The following GABRA2 variants were observed in gnomAD, a reference collection of about 807,000 sequenced individuals.
GABRA2 encodes the protein gamma-aminobutyric acid type A receptor subunit alpha2.
Under a neutral mutation model 48.7 loss-of-function variants are expected in GABRA2, and 16 were observed. The ratio of observed to expected loss-of-function variants is 0.33; its 90% CI spans 0.22 to 0.50. The LOEUF (loss-of-function observed/expected upper bound fraction) is 0.50. GABRA2 is among the 20% of genes least tolerant of loss of function. The probability of loss-of-function intolerance (pLI) is 0.98; values close to 1 mark genes in which losing one functional copy is unlikely to be tolerated. For synonymous variants in GABRA2, 185 were observed against 184.5 expected (o/e 1.00, Z -0.02); for missense variants, 275 against 535.6 (o/e 0.51, Z 4.80).
Position 46,317,713 on chromosome 4 carries a change from C to T in GABRA2, c.256-4997G>A, listed in dbSNP as rs182490860. Among the ~76,000 whole-genome samples the T allele has an allele frequency of 2.5e-3, 373 of 151,396 alleles. 3 individuals carry two copies. Among genetic ancestry groups the T allele is most frequent in the African/African-American group, 8.7e-3 (361 of 41,336 alleles). Reference sequence around the variant, plus strand: ...AAGTGGGAAACAAGAAAAAGAAATACCACACTCTGCCTAATATGAGCCCTA... The same window carrying T: ...AAGTGGGAAACAAGAAAAAGAAATATCACACTCTGCCTAATATGAGCCCTA... On this transcript the variant is annotated intron_variant, in intron 4 of 9. Coordinates refer to ENST00000381620, the MANE Select transcript of GABRA2 (RefSeq NM_000807.4).
intron 6 of GABRA2, among the ~76,000 whole-genome samples, chr4:46,306,241 A>G (rs182645595): frequency 6.6e-6 from 1 of 152,362 alleles, no homozygotes; most frequent in East Asian, 1.9e-4. Context: ...ATAACGCTAT[A>G]CTTGCATCAA....
intron 8 of GABRA2, among the ~76,000 whole-genome samples, chr4:46,272,932 C>T (rs375133847): frequency 2.6e-4 from 39 of 151,966 alleles, no homozygotes; most frequent in South Asian, 6.2e-4. Context: ...TTCTGGGGTA[C>T]GTGTGCAGAA....
At chr4:46,324,110 T>G (rs1211378835) in intron 4 of GABRA2, among the ~76,000 whole-genome samples, 1 of 151,972 alleles carries the variant, frequency 6.6e-6, no homozygotes, top group Non-Finnish European at 1.5e-5. Flanking sequence ...CACCTCCCAC[T>G]TGCCTCCACC....
intron 2 of GABRA2, 35 bp downstream of exon 2, chr4:46,388,601 T>C (rs536102704): frequency 4.3e-6 from 7 of 1,610,992 alleles, no homozygotes; most frequent in Non-Finnish European, 5.9e-6. Flanking sequence ...ATCTTTGCCC[T>C]GAATTAAAAT....
intron 8 of GABRA2, among the ~76,000 whole-genome samples, chr4:46,263,544 T>C (rs747283081): frequency 1.3e-5 from 2 of 152,164 alleles, no homozygotes; most frequent in African/African-American, 2.4e-5. Context: ...TGACCATAGA[T>C]ATATGGGATA....
intron 4 of GABRA2, among the ~76,000 whole-genome samples, chr4:46,315,091 C>A (rs754848350): frequency 1.3e-5 from 2 of 150,654 alleles, no homozygotes; most frequent in African/African-American, 2.4e-5. Context: ...GCTGAACTAA[C>A]TTACATTCCC....
chr4:46,298,192 G>T (rs1423181417), intron 8 of GABRA2, among the ~76,000 whole-genome samples: 1 of 152,032 alleles, frequency 6.6e-6, no homozygotes, highest in Non-Finnish European at 1.5e-5. Flanking sequence ...TCATTTGAGA[G>T]GAATGTGTAA....
intron 8 of GABRA2, among the ~76,000 whole-genome samples, chr4:46,268,840 T>C (rs1176027796): frequency 6.6e-6 from 1 of 151,854 alleles, no homozygotes; most frequent in Non-Finnish European, 1.5e-5. Context: ...ATATGTACAA[T>C]GGAAAAGTAT....
intron 8 of GABRA2, among the ~76,000 whole-genome samples, chr4:46,299,256 T>A (rs1017172675): frequency 1.4e-4 from 22 of 151,868 alleles, no homozygotes; most frequent in African/African-American, 5.3e-4. Context: ...TCCTGAATTT[T>A]AAAAAAATTT....
At chr4:46,322,839 C>T (rs1729686846) in intron 4 of GABRA2, among the ~76,000 whole-genome samples, 1 of 151,972 alleles carries the variant, frequency 6.6e-6, no homozygotes, top group Admixed American at 6.6e-5. Context: ...GAAAAGCTCT[C>T]AGATGTCTTA....
Position 46,305,649 on chromosome 4 carries a change from C to T in GABRA2, c.622G>A (p.Val208Ile). 6.2e-7 allele frequency: 1 copy of T among 1,613,426 alleles called. No homozygotes were observed. The highest frequency in any genetic ancestry group is 8.5e-7 in the Non-Finnish European group (1 of 1,179,426). ...TTTAACCTAGAGCCATCAGGAGCAA[C>T]CTGTACTGAATCAGATGCATTGTAA... Reference protein sequence around the residue: ...WTYNASDSVQVAPDGSRLNQY... With the variant: ...WTYNASDSVQIAPDGSRLNQY... Residue 208 changes from valine to isoleucine, a missense_variant, in exon 7 of 10, where the codon GTT becomes ATT. By Grantham distance (29) the Val-to-Ile change is conservative. Coordinates refer to ENST00000381620, the MANE Select transcript of GABRA2 (RefSeq NM_000807.4).
At chr4:46,340,095 A>G (rs534559141) in intron 3 of GABRA2, among the ~76,000 whole-genome samples, 6 of 151,950 alleles carry the variant, frequency 3.9e-5, no homozygotes, top group Non-Finnish European at 7.4e-5. Context: ...AAAGATAGGC[A>G]CAATCCAAAG....
chr4:46,378,160 C>T (rs1348826808), intron 3 of GABRA2, among the ~76,000 whole-genome samples: 1 of 151,700 alleles, frequency 6.6e-6, no homozygotes, highest in Non-Finnish European at 1.5e-5. Context: ...GGGAGGTGTA[C>T]CCAACAGCTC....
At chr4:46,349,340 C>A (rs907081493) in intron 3 of GABRA2, among the ~76,000 whole-genome samples, 9 of 151,770 alleles carry the variant, frequency 5.9e-5, no homozygotes, top group Admixed American at 3.3e-4. Context: ...TGTTGGATAT[C>A]ATATTATAAT....
In GABRA2 at chr4:46,286,080, T is replaced by A. The variant is rs577332350; in HGVS notation, c.856+17380A>T. Among the ~76,000 whole-genome samples the A allele has an allele frequency of 3.3e-5, 5 of 152,176 alleles. No homozygotes were observed. The South Asian group carries it at 1.0e-3, about 32-fold the overall frequency. ...ACTTGTTTTTATTATCCCAGAAGGA[T>A]ACTCTGTCTCTATTAAGTAATCACT... is the stretch of plus-strand genomic sequence containing the variant. On this transcript the variant is annotated intron_variant, in intron 8 of 9. Transcript: ENST00000381620.
chr4:46,385,995 G>A lies in GABRA2; in HGVS notation c.187+79C>T, dbSNP rs558679708. 43 of 783,720 alleles carry A rather than the reference G, an allele frequency of 5.5e-5. No individual in the cohort carries two copies. In the African/African-American group the frequency reaches 6.1e-4, roughly 11 times the overall value. 48.5% of individuals were successfully genotyped at this position (783,720 alleles called of 1,614,324 possible). On this transcript the variant is annotated intron_variant, in intron 3 of 9. Transcript: ENST00000381620. ...CACAGTGATGCATTCATATATAAAA[G>A]TATTAAAATAGGAATATTACCCTTA... is the stretch of plus-strand genomic sequence containing the variant.
intron 3 of GABRA2, among the ~76,000 whole-genome samples, chr4:46,348,591 A>G (rs1447453757): frequency 6.6e-6 from 1 of 152,040 alleles, no homozygotes; most frequent in Non-Finnish European, 1.5e-5. Context: ...AATACTATGC[A>G]GTCATAAAAA....
chr4:46,369,842 T>G (rs1050344023), intron 3 of GABRA2, among the ~76,000 whole-genome samples: 10 of 152,058 alleles, frequency 6.6e-5, no homozygotes, highest in African/African-American at 1.2e-4. Context: ...AGGAAATGTG[T>G]GTATATAAGT....
chr4:46,328,623 T>C (rs1730804837), intron 4 of GABRA2, among the ~76,000 whole-genome samples: 1 of 151,062 alleles, frequency 6.6e-6, no homozygotes, highest in Non-Finnish European at 1.5e-5. Flanking sequence ...CCCATCATGA[T>C]AACATTCTTT....
Sources: gnomAD v4.1 joint callset for allele counts (sites outside exome capture counted in the v4.1 genomes callset) on GRCh38, gnomAD v4.1.1 for gene constraint, MANE v1.5 for transcripts, NCBI Gene and HGNC (gene_info 2026-07-23, HGNC 2026-07-21) for gene names.